The following ACOXL variants were observed in gnomAD, a reference collection of about 807,000 sequenced individuals.
ACOXL encodes acyl-coenzyme A oxidase-like protein.
In ACOXL, 70 loss-of-function variants were observed where a neutral mutation model predicts 71.9. The ratio of observed to expected loss-of-function variants is 0.97; its 90% CI spans 0.80 to 1.19. ACOXL has a LOEUF of 1.19. ACOXL is among the 50% of genes most tolerant of loss of function. The pLI is 0.00. For missense variants in ACOXL, 703 were observed against 736.3 expected (o/e 0.95, Z 0.52); for synonymous variants, 253 against 281.6 (o/e 0.90, Z 1.02).
intron 16 of ACOXL, among the ~76,000 whole-genome samples, chr2:111,053,171 T>A (rs1436065765): frequency 1.3e-5 from 2 of 152,120 alleles, no homozygotes; most frequent in Non-Finnish European, 2.9e-5. Context: ...TAAGTGAAAA[T>A]TATCGACAAG....
intron 5 of ACOXL, among the ~76,000 whole-genome samples, chr2:110,797,902 G>A (rs1223717402): frequency 1.3e-5 from 2 of 152,316 alleles, no homozygotes; most frequent in East Asian, 1.9e-4. Context: ...GTAGTCTAGC[G>A]AGATAATTGA....
chr2:110,940,960 A>G (rs190093305), intron 12 of ACOXL, among the ~76,000 whole-genome samples: 91 of 152,300 alleles, frequency 6.0e-4, no homozygotes, highest in African/African-American at 2.0e-3. Flanking sequence ...CTGAGTTCTA[A>G]TTTTTCAAAC....
intron 1 of ACOXL, among the ~76,000 whole-genome samples, chr2:110,742,311 T>TA (rs1677647247): frequency 6.6e-6 from 1 of 152,198 alleles, no homozygotes; most frequent in African/African-American, 2.4e-5. Context: ...GTGACTTTAT[T>TA]AAGGGGCATT....
At chr2:110,769,534 A>G (rs1681600289) in intron 2 of ACOXL, among the ~76,000 whole-genome samples, 1 of 151,818 alleles carries the variant, frequency 6.6e-6, no homozygotes, top group African/African-American at 2.4e-5. Flanking sequence ...CATGCCTGTA[A>G]TCCTAGCACT....
Position 111,008,659 on chromosome 2 carries a change from A to C in ACOXL, c.1281+12655A>C, listed in dbSNP as rs530643344. Among the ~76,000 whole-genome samples, 4 of 152,320 alleles carry C rather than the reference A, an allele frequency of 2.6e-5. No individual in the cohort carries two copies. In the East Asian group the frequency reaches 5.8e-4, roughly 22 times the overall value. The stretch of plus-strand genomic sequence containing the variant: ...TTCTAGAAATGTTGTTGTTAGGCTC[A>C]AAGGTAAGTGCATTTGTAGTTTTGT... On this transcript the variant is annotated intron_variant, in intron 14 of 17. Coordinates refer to ENST00000439055, the MANE Select transcript of ACOXL (RefSeq NM_001142807.4).
At chr2:110,759,789 G>A (rs544118779) in intron 1 of ACOXL, among the ~76,000 whole-genome samples, 1 of 152,094 alleles carries the variant, frequency 6.6e-6, no homozygotes, top group Non-Finnish European at 1.5e-5. Flanking sequence ...AACATAAGGA[G>A]AATTGATTTC....
chr2:110,987,299 C>A, intron 13 of ACOXL, 82 bp downstream of exon 13: 2 of 1,295,574 alleles, frequency 1.5e-6, no homozygotes, highest in Non-Finnish European at 2.2e-6. Context: ...GCATAACTCA[C>A]TCTTGCTTGA....
chr2:110,836,884 G>A (rs1341641290), intron 9 of ACOXL, among the ~76,000 whole-genome samples: 2 of 152,238 alleles, frequency 1.3e-5, no homozygotes, highest in East Asian at 3.9e-4. Flanking sequence ...CAGCAGGCAG[G>A]GTGCAAGGCA....
intron 12 of ACOXL, among the ~76,000 whole-genome samples, chr2:110,964,867 A>G (rs770924952): frequency 1.2e-4 from 18 of 152,216 alleles, no homozygotes; most frequent in Non-Finnish European, 2.1e-4. Context: ...TATGCAATAT[A>G]TTGTTGTTAA....
intron 14 of ACOXL, among the ~76,000 whole-genome samples, chr2:111,012,676 A>G (rs1306114408): frequency 6.6e-6 from 1 of 152,220 alleles, no homozygotes; most frequent in East Asian, 1.9e-4. Context: ...ATATTTGGCT[A>G]TTAAGAAACA....
chr2:111,015,468 C>T (rs959986350), intron 14 of ACOXL, among the ~76,000 whole-genome samples: 1 of 152,176 alleles, frequency 6.6e-6, no homozygotes, highest in African/African-American at 2.4e-5. Flanking sequence ...TGACAACACT[C>T]CATCCTGGCA....
At chr2:110,915,877 T>TA (rs1006177029) in intron 11 of ACOXL, among the ~76,000 whole-genome samples, 9 of 151,748 alleles carry the variant, frequency 5.9e-5, no homozygotes, top group Admixed American at 3.9e-4. Flanking sequence ...ATTGTCCTCA[T>TA]AAAAAAAATA....
At chr2:111,081,509 A>G (rs537974161) in intron 16 of ACOXL, among the ~76,000 whole-genome samples, 11 of 152,326 alleles carry the variant, frequency 7.2e-5, no homozygotes, top group African/African-American at 2.6e-4. Context: ...CTGCTGCTCA[A>G]CGAAATAAGA....
intron 11 of ACOXL, among the ~76,000 whole-genome samples, chr2:110,925,415 G>A (rs532606408): frequency 6.6e-6 from 1 of 152,326 alleles, no homozygotes; most frequent in East Asian, 1.9e-4. Context: ...AGATCTTCTG[G>A]ATAACTTGCT....
intron 16 of ACOXL, among the ~76,000 whole-genome samples, chr2:111,063,998 A>C (rs571644235): frequency 1.3e-5 from 2 of 152,340 alleles, no homozygotes; most frequent in East Asian, 3.9e-4. Context: ...AGAACTAAAA[A>C]GTGACTCAGC....
intron 11 of ACOXL, among the ~76,000 whole-genome samples, chr2:110,910,890 C>T (rs2059629126): frequency 6.6e-6 from 1 of 152,018 alleles, no homozygotes; most frequent in Non-Finnish European, 1.5e-5. Context: ...TGGATTTTGC[C>T]TTTTTATTTT....
chr2:110,826,929 C>T (rs1689233603), intron 9 of ACOXL, among the ~76,000 whole-genome samples: 1 of 152,042 alleles, frequency 6.6e-6, no homozygotes, highest in Non-Finnish European at 1.5e-5. Flanking sequence ...GTTGGGTGCT[C>T]TGTTCAGATG....
chr2:111,076,414 A>T (rs1391925654), intron 16 of ACOXL, among the ~76,000 whole-genome samples: 1 of 152,078 alleles, frequency 6.6e-6, no homozygotes, highest in Non-Finnish European at 1.5e-5. Flanking sequence ...TAAATACTGC[A>T]GGCTTATTTG....
intron 1 of ACOXL, among the ~76,000 whole-genome samples, chr2:110,763,155 C>T (rs1006014457): frequency 6.6e-6 from 1 of 152,142 alleles, no homozygotes; most frequent in Non-Finnish European, 1.5e-5. Context: ...AAAATCTTGG[C>T]AAGTTATTTC....
Sources: allele counts gnomAD v4.1 joint callset (sites outside exome capture counted in the v4.1 genomes callset), GRCh38; gene constraint gnomAD v4.1.1; transcripts MANE v1.5; gene names NCBI Gene and HGNC (gene_info 2026-07-23, HGNC 2026-07-21).